BBS9: variants seen among roughly 807,000 people sequenced by gnomAD.
BBS9 encodes the protein Bardet-Biedl syndrome 9, also known as protein PTHB1.
In BBS9, 89 loss-of-function variants were observed where a neutral mutation model predicts 117.7. The ratio of observed to expected loss-of-function variants is 0.76; its 90% confidence interval spans 0.64 to 0.90. The LOEUF is 0.90. Among genes scored for constraint, BBS9 ranks in the 40% least tolerant of loss-of-function variants. The pLI is 0.00. For missense variants in BBS9, 982 were observed against 1,042.2 expected (o/e 0.94, Z 0.80); for synonymous variants, 379 against 370.9 (o/e 1.02, Z -0.25).
At chr7:33,623,606 ACCCCC>A (rs1865512098) in intron 21 of BBS9, among the ~76,000 whole-genome samples, 1 of 147,056 alleles carries the variant, frequency 6.8e-6, no homozygotes, top group African/African-American at 2.5e-5. Context: ...GAAAAACCAA[ACCCCC>A]AAACCATCTA....
At chr7:33,426,410 A>T (rs1833666096) in intron 19 of BBS9, among the ~76,000 whole-genome samples, 2 of 152,128 alleles carry the variant, frequency 1.3e-5, no homozygotes, top group Non-Finnish European at 2.9e-5. Flanking sequence ...TTATGTAAAC[A>T]CTTCCCCGTG....
At chr7:33,322,603 G>A (rs1811968162) in intron 9 of BBS9, among the ~76,000 whole-genome samples, 1 of 151,722 alleles carries the variant, frequency 6.6e-6, no homozygotes, top group Non-Finnish European at 1.5e-5. Context: ...TTTAATCTCT[G>A]ATTTTACTTA....
intron 19 of BBS9, among the ~76,000 whole-genome samples, chr7:33,493,867 CAT>C (rs942026535): frequency 3.9e-5 from 6 of 152,194 alleles, no homozygotes; most frequent in South Asian, 2.1e-4. Flanking sequence ...AGTCAATCCA[CAT>C]GTCTTTAATA....
intron 19 of BBS9, among the ~76,000 whole-genome samples, chr7:33,497,142 TG>T (rs1314258478): frequency 6.6e-6 from 1 of 152,146 alleles, no homozygotes; most frequent in Non-Finnish European, 1.5e-5. Flanking sequence ...TCATTAGAGC[TG>T]TCTGTTTGGT....
intron 19 of BBS9, among the ~76,000 whole-genome samples, chr7:33,405,249 G>C (rs1387975090): frequency 6.6e-6 from 1 of 152,130 alleles, no homozygotes; most frequent in Non-Finnish European, 1.5e-5. Flanking sequence ...CGGTTTGCCA[G>C]TATTTTATTG....
intron 19 of BBS9, among the ~76,000 whole-genome samples, chr7:33,406,602 CTTCAGG>C (rs1304580395): frequency 6.6e-6 from 1 of 151,938 alleles, no homozygotes; most frequent in Non-Finnish European, 1.5e-5. Context: ...TTAGTGCTTC[CTTCAGG>C]AGCTCTTTTA....
At chr7:33,527,189 T>C (rs2129050671) in intron 20 of BBS9, among the ~76,000 whole-genome samples, 1 of 152,300 alleles carries the variant, frequency 6.6e-6, no homozygotes, top group Admixed American at 6.5e-5. Flanking sequence ...CAGAGGTTAC[T>C]GCTGTCTTTT....
At chr7:33,275,748 G>A (rs993396838) in intron 9 of BBS9, among the ~76,000 whole-genome samples, 11 of 152,124 alleles carry the variant, frequency 7.2e-5, no homozygotes, top group African/African-American at 2.4e-4. Context: ...TTATATACAA[G>A]GGATGTACCC....
chr7:33,505,090 T>C (rs1407495008), intron 19 of BBS9, among the ~76,000 whole-genome samples: 2 of 152,244 alleles, frequency 1.3e-5, no homozygotes, highest in Non-Finnish European at 2.9e-5. Context: ...CTTCTGAGAA[T>C]GTTTTAATTG....
At chr7:33,436,346 G>A (rs755426431) in intron 19 of BBS9, among the ~76,000 whole-genome samples, 5 of 152,082 alleles carry the variant, frequency 3.3e-5, no homozygotes, top group Non-Finnish European at 7.4e-5. Flanking sequence ...GATGCTCATC[G>A]GTTAAAATCT....
intron 5 of BBS9, among the ~76,000 whole-genome samples, chr7:33,257,016 G>A (rs546095333): frequency 6.6e-6 from 1 of 152,128 alleles, no homozygotes; most frequent in South Asian, 2.1e-4. Context: ...GCTTAATACT[G>A]GTAGACTAAT....
chr7:33,476,957 A>C (rs1841887912), intron 19 of BBS9, among the ~76,000 whole-genome samples: 1 of 152,234 alleles, frequency 6.6e-6, no homozygotes, highest in Non-Finnish European at 1.5e-5. Flanking sequence ...AGAAGTTTAA[A>C]AGTTGGTAAA....
intron 21 of BBS9, among the ~76,000 whole-genome samples, chr7:33,597,921 A>T (rs1159690286): frequency 1.3e-5 from 2 of 151,964 alleles, no homozygotes; most frequent in African/African-American, 4.8e-5. Flanking sequence ...AGGAGGTGAT[A>T]AAATGCACGG....
At chr7:33,616,179 CAG>C (rs1412870810) in intron 21 of BBS9, among the ~76,000 whole-genome samples, 1 of 146,338 alleles carries the variant, frequency 6.8e-6, no homozygotes, top group Admixed American at 6.8e-5. Context: ...ATTGATCTAA[CAG>C]ATAATGTTTA....
intron 5 of BBS9, among the ~76,000 whole-genome samples, chr7:33,215,478 A>T (rs188599089): frequency 1.2e-3 from 181 of 152,360 alleles, no homozygotes; most frequent in African/African-American, 4.1e-3. Context: ...CTCTTGCAAT[A>T]TATGATATTC....
intron 5 of BBS9, among the ~76,000 whole-genome samples, chr7:33,183,900 TCTAAGCCCATGTGTC>T (rs1431970981): frequency 6.6e-6 from 1 of 152,156 alleles, no homozygotes; most frequent in Non-Finnish European, 1.5e-5. Flanking sequence ...GCAGGCTTGT[TCTAAGCCCATGTGTC>T]CTAAGCCCAT....
At chr7:33,300,513 A>G (rs1806166050) in intron 9 of BBS9, among the ~76,000 whole-genome samples, 1 of 151,860 alleles carries the variant, frequency 6.6e-6, no homozygotes, top group South Asian at 2.1e-4. Context: ...TTGTCTTCTT[A>G]ATTATGGTAG....
intron 6 of BBS9, among the ~76,000 whole-genome samples, chr7:33,261,214 AT>A (rs1211131500): frequency 6.6e-6 from 1 of 151,886 alleles, no homozygotes; most frequent in Non-Finnish European, 1.5e-5. Flanking sequence ...CTTTTTCTCA[AT>A]TTACATAGTA....
chr7:33,189,360 G>A (rs945869704), intron 5 of BBS9, among the ~76,000 whole-genome samples: 37 of 151,912 alleles, frequency 2.4e-4, no homozygotes, highest in Non-Finnish European at 4.3e-4. Flanking sequence ...ATTATGATGT[G>A]CCTATAATTT....
Sources: gnomAD v4.1 joint callset for allele counts (sites outside exome capture counted in the v4.1 genomes callset) on GRCh38, gnomAD v4.1.1 for gene constraint, MANE v1.5 for transcripts, NCBI Gene and HGNC (gene_info 2026-07-23, HGNC 2026-07-21) for gene names.